The following ANK3 variants were observed in gnomAD, a reference collection of about 807,000 sequenced individuals.
ANK3 encodes ankyrin-3.
ANK3 carries 57 observed loss-of-function variants against 370.9 expected under a neutral mutation model. The observed-to-expected ratio is 0.15, with a 90% CI of 0.12 to 0.19. ANK3 has a LOEUF of 0.19. Among genes scored for constraint, ANK3 ranks in the 10% least tolerant of loss-of-function variants. The pLI is 1.00. For missense variants in ANK3, 4,439 were observed against 5,302.1 expected (o/e 0.84, Z 5.06); for synonymous variants, 1,929 against 1,946.3 (o/e 0.99, Z 0.23).
chr10:60,203,420 C>T (rs2096715225), intron 11 of ANK3, among the ~76,000 whole-genome samples: 1 of 152,130 alleles, frequency 6.6e-6, no homozygotes, highest in East Asian at 1.9e-4. Flanking sequence ...TTCCCCTTTA[C>T]TAATAAACCT....
intron 8 of ANK3, among the ~76,000 whole-genome samples, chr10:60,231,497 A>G (rs552448233): frequency 6.6e-6 from 1 of 152,114 alleles, no homozygotes; most frequent in Non-Finnish European, 1.5e-5. Context: ...AGGCAGATGG[A>G]TAGATAACGG....
chr10:60,313,928 G>GTTTTTTTGTT (rs1555276605), intron 1 of ANK3, among the ~76,000 whole-genome samples: 150 of 132,112 alleles, frequency 1.1e-3, no homozygotes, highest in African/African-American at 2.7e-3. Flanking sequence ...TTTTGTTTTT[G>GTTTTTTTGTT]TTTTTTTTTT....
At chr10:60,458,511 T>C (rs1287094945) in intron 2 of ANK3, among the ~76,000 whole-genome samples, 1 of 151,990 alleles carries the variant, frequency 6.6e-6, no homozygotes, top group East Asian at 1.9e-4. Context: ...TATACAATGG[T>C]TGTATGTAGT....
chr10:60,242,917 A>G (rs1273448205), intron 7 of ANK3, among the ~76,000 whole-genome samples: 2 of 152,224 alleles, frequency 1.3e-5, no homozygotes, highest in Non-Finnish European at 2.9e-5. Context: ...GCCAAAGGTC[A>G]CAAAGCTCCC....
At chr10:60,313,473 G>A (rs1431759963) in intron 1 of ANK3, among the ~76,000 whole-genome samples, 3 of 152,116 alleles carry the variant, frequency 2.0e-5, no homozygotes, top group South Asian at 2.1e-4. Flanking sequence ...TGCAGGAAAG[G>A]ATGAGCTGGA....
chr10:60,506,581 T>C (rs1203316390), intron 2 of ANK3, among the ~76,000 whole-genome samples: 1 of 152,176 alleles, frequency 6.6e-6, no homozygotes, highest in African/African-American at 2.4e-5. Context: ...TTTTAGCAGA[T>C]GCAGACATGA....
intron 26 of ANK3, chr10:60,111,734 C>T: frequency 2.2e-6 from 1 of 455,654 alleles, no homozygotes; most frequent in Non-Finnish European, 4.4e-6. Flanking sequence ...CAGTTATCAC[C>T]TTGAATCATA....
At chr10:60,381,874 C>T (rs1446082951) in intron 1 of ANK3, among the ~76,000 whole-genome samples, 1 of 152,176 alleles carries the variant, frequency 6.6e-6, no homozygotes, top group Admixed American at 6.5e-5. Context: ...TGTGAACTCA[C>T]ATTGAGCCTC....
At chr10:60,271,626 A>G (rs908232243) in intron 4 of ANK3, among the ~76,000 whole-genome samples, 2 of 152,146 alleles carry the variant, frequency 1.3e-5, no homozygotes, top group African/African-American at 4.8e-5. Flanking sequence ...CTAAACTACA[A>G]TGTTACCAAA....
At chr10:60,119,052 T>C (rs934526954) in intron 25 of ANK3, among the ~76,000 whole-genome samples, 2 of 152,234 alleles carry the variant, frequency 1.3e-5, no homozygotes, top group Non-Finnish European at 2.9e-5. Context: ...ATATATTATT[T>C]TGAGCTATAT....
intron 8 of ANK3, among the ~76,000 whole-genome samples, chr10:60,226,385 TTATAG>T (rs1310990580): frequency 4.4e-5 from 5 of 114,128 alleles, no homozygotes; most frequent in African/African-American, 1.8e-4. Flanking sequence ...ATAGAATAAA[TTATAG>T]TATAATATAG....
At chr10:60,159,874 A>G (rs2095449844) in intron 23 of ANK3, among the ~76,000 whole-genome samples, 1 of 152,118 alleles carries the variant, frequency 6.6e-6, no homozygotes, top group Admixed American at 6.5e-5. Context: ...GAAACAAAAG[A>G]AAATGGGAAC....
intron 1 of ANK3, among the ~76,000 whole-genome samples, chr10:60,332,240 A>G (rs1159508196): frequency 1.3e-5 from 2 of 152,238 alleles, no homozygotes; most frequent in Non-Finnish European, 2.9e-5. Context: ...AGTATAAAGA[A>G]GCAATTCTGG....
intron 28 of ANK3, among the ~76,000 whole-genome samples, chr10:60,102,259 A>C (rs1290896681): frequency 6.6e-6 from 1 of 151,346 alleles, no homozygotes; most frequent in Non-Finnish European, 1.5e-5. Flanking sequence ...GACAAGTGAA[A>C]AGGGCAAGAT....
chr10:60,465,213 C>T (rs954220436), intron 2 of ANK3, among the ~76,000 whole-genome samples: 1 of 151,640 alleles, frequency 6.6e-6, no homozygotes, highest in Non-Finnish European at 1.5e-5. Context: ...GCCATGATTG[C>T]CCCACTGCAC....
At chr10:60,044,606 T>C (rs2076643216) in intron 42 of ANK3, 1 of 152,450 alleles carries the variant, frequency 6.6e-6, no homozygotes. Flanking sequence ...TACATAATTA[T>C]AGGATGCAGT....
chr10:60,462,573 A>C (rs2133060276), intron 2 of ANK3, among the ~76,000 whole-genome samples: 1 of 146,708 alleles, frequency 6.8e-6, no homozygotes, highest in Middle Eastern at 3.5e-3. Flanking sequence ...TCAGATCAAC[A>C]AAAAATTTAG....
At chr10:60,448,134 C>T (rs2064499924) in intron 2 of ANK3, among the ~76,000 whole-genome samples, 1 of 152,142 alleles carries the variant, frequency 6.6e-6, no homozygotes. Flanking sequence ...GGAAAGTCTG[C>T]AGCATTCTGC....
intron 1 of ANK3, among the ~76,000 whole-genome samples, chr10:60,721,161 C>A (rs1192290309): frequency 1.3e-5 from 2 of 152,142 alleles, no homozygotes; most frequent in African/African-American, 4.8e-5. Context: ...GCCATGACTG[C>A]AAAATATACA....
Sources: gnomAD v4.1 joint callset for allele counts (sites outside exome capture counted in the v4.1 genomes callset) on GRCh38, gnomAD v4.1.1 for gene constraint, MANE v1.5 for transcripts, NCBI Gene and HGNC (gene_info 2026-07-23, HGNC 2026-07-21) for gene names.